The following GYS2 variants were observed in gnomAD, a reference collection of about 807,000 sequenced individuals.
The protein encoded by GYS2 is glycogen [starch] synthase, liver.
GYS2 carries 80 observed loss-of-function variants against 85.6 expected under a neutral mutation model. The observed-to-expected ratio is 0.93, with a 90% CI of 0.78 to 1.13. The LOEUF is 1.13. Ranked by LOEUF, GYS2 falls within the 50% of genes most tolerant of loss-of-function variation. The probability of loss-of-function intolerance (pLI) is 0.00; values close to 1 mark genes in which losing one functional copy is unlikely to be tolerated. For synonymous variants in GYS2, 328 were observed against 300.7 expected (o/e 1.09, Z -0.94); for missense variants, 881 against 854.9 (o/e 1.03, Z -0.38).
In GYS2 at chr12:21,604,481, T is replaced by C; in HGVS notation, c.112A>G (p.Thr38Ala). 2 of 1,606,590 alleles carry C rather than the reference T, an allele frequency of 1.2e-6. No homozygotes were observed. The highest frequency in any genetic ancestry group is 1.3e-5 in the African/African-American group (1 of 74,852). The change falls in exon 1 of 16, where the codon ACC (threonine) becomes GCC (alanine). Residue 38 changes from threonine (T) to alanine (A), a missense_variant. Thr to Ala is a moderately conservative substitution (Grantham distance 58). Coordinates refer to ENST00000261195, the MANE Select transcript of GYS2 (RefSeq NM_021957.4). ...CAGGAGCAGTACAAACCTTTATTGG[T>C]CACTTCCCAAGCAACTTCAAAGAGC... The part of the protein sequence containing the change: ...LLLFEVAWEV[T>A]NKVGGIYTVI...
chr12:21,543,745 G>A (rs888305488), intron 12 of GYS2, among the ~76,000 whole-genome samples: 8 of 151,980 alleles, frequency 5.3e-5, no homozygotes, highest in South Asian at 2.1e-4. Flanking sequence ...CCCTCACCTC[G>A]CCCCACAACC....
At chr12:21,549,502 T>C (rs1027792958) in intron 11 of GYS2, among the ~76,000 whole-genome samples, 3 of 152,214 alleles carry the variant, frequency 2.0e-5, no homozygotes, top group Admixed American at 6.5e-5. Flanking sequence ...TTTCTGATGA[T>C]TCAAATAGTG....
chr12:21,563,445 G>T, intron 5 of GYS2, 100 bp from the exon 6 acceptor site: 1 of 709,892 alleles, frequency 1.4e-6, no homozygotes. Context: ...GATGTTTATT[G>T]ACATTCTACT....
intron 10 of GYS2, among the ~76,000 whole-genome samples, chr12:21,558,607 A>C (rs1054265603): frequency 6.6e-6 from 1 of 152,172 alleles, no homozygotes; most frequent in African/African-American, 2.4e-5. Flanking sequence ...GGTGTCCTGA[A>C]GTCTTGACTT....
intron 1 of GYS2, among the ~76,000 whole-genome samples, chr12:21,600,339 G>A (rs1944741938): frequency 6.6e-6 from 1 of 151,980 alleles, no homozygotes; most frequent in South Asian, 2.1e-4. Flanking sequence ...TGTTCCCCAG[G>A]CTGGTATCCA....
intron 11 of GYS2, among the ~76,000 whole-genome samples, chr12:21,553,363 T>G (rs1420883872): frequency 6.6e-6 from 1 of 152,266 alleles, no homozygotes; most frequent in African/African-American, 2.4e-5. Flanking sequence ...GGACTTAGTC[T>G]GCTGCCTTCT....
intron 11 of GYS2, among the ~76,000 whole-genome samples, chr12:21,549,091 A>G (rs1944076229): frequency 6.6e-6 from 1 of 152,182 alleles, no homozygotes; most frequent in African/African-American, 2.4e-5. Flanking sequence ...TTACAATGTG[A>G]GTGGCACAAA....
chr12:21,591,375 ATAGAT>A (rs957265252), intron 1 of GYS2, among the ~76,000 whole-genome samples: 3 of 152,112 alleles, frequency 2.0e-5, no homozygotes, highest in African/African-American at 7.2e-5. Flanking sequence ...AACTTCAACA[ATAGAT>A]CAGATCAAGC....
rs1944494905 is a variant in GYS2 at position 21,580,361 on chromosome 12, A to C, written c.284T>G (p.Met95Arg). ...CTTTACCTGGCAGCCATGCTTATTC[A>C]TTGCGTCCACTGCTCTTCTGACAGC... ...NDAVRRAVDA[M>R]NKHGCQVHFG... is the part of the protein sequence containing the mutation. The change falls in exon 2 of 16, where the codon ATG becomes AGG. Residue 95 changes from methionine to arginine, a missense_variant. By Grantham distance (91) the Met-to-Arg change is moderately conservative. Transcript: ENST00000261195. The C allele has an allele frequency of 6.2e-7, 1 of 1,613,758 alleles. No individual in the cohort carries two copies. The highest frequency in any genetic ancestry group is 2.2e-5 in the East Asian group (1 of 44,866).
chr12:21,583,656 G>T (rs921990786), intron 1 of GYS2, among the ~76,000 whole-genome samples: 4 of 152,212 alleles, frequency 2.6e-5, no homozygotes, highest in South Asian at 4.1e-4. Context: ...GCCATCTTCT[G>T]CAGATAACTA....
At chr12:21,570,116 A>T (rs1944368905) in intron 4 of GYS2, among the ~76,000 whole-genome samples, 1 of 152,222 alleles carries the variant, frequency 6.6e-6, no homozygotes, top group African/African-American at 2.4e-5. Flanking sequence ...GAGGAATCTC[A>T]TGATTAGAAC....
At chr12:21,542,052 C>T (rs949273505) in intron 13 of GYS2, among the ~76,000 whole-genome samples, 1 of 149,530 alleles carries the variant, frequency 6.7e-6, no homozygotes, top group Non-Finnish European at 1.5e-5. Context: ...TATAAATCTA[C>T]TTTTTTTTTT....
At chr12:21,601,392 A>G (rs1253395173) in intron 1 of GYS2, among the ~76,000 whole-genome samples, 2 of 151,632 alleles carry the variant, frequency 1.3e-5, no homozygotes, top group Non-Finnish European at 2.9e-5. Context: ...AAGGCTATTA[A>G]CTCCCCCTGA....
chr12:21,579,508 C>A (rs891742029), intron 2 of GYS2, among the ~76,000 whole-genome samples: 11 of 151,916 alleles, frequency 7.2e-5, no homozygotes, highest in African/African-American at 2.2e-4. Context: ...TGCCTGCCTG[C>A]AAAACCACAC....
intron 1 of GYS2, among the ~76,000 whole-genome samples, chr12:21,601,475 CG>C (rs1474215391): frequency 1.3e-5 from 2 of 152,168 alleles, no homozygotes; most frequent in African/African-American, 4.8e-5. Context: ...CTCTGAGCCC[CG>C]CTCAGATCTT....
intron 3 of GYS2, among the ~76,000 whole-genome samples, chr12:21,574,942 A>G (rs923776000): frequency 1.3e-5 from 2 of 152,108 alleles, no homozygotes; most frequent in Non-Finnish European, 2.9e-5. Context: ...GACTTTTACA[A>G]TATCATTTTT....
At chr12:21,557,628 G>A (rs1333418950) in intron 11 of GYS2, among the ~76,000 whole-genome samples, 2 of 152,060 alleles carry the variant, frequency 1.3e-5, no homozygotes, top group Non-Finnish European at 2.9e-5. Context: ...GGCCGGGCGC[G>A]GTGGCTCACG....
At position 21,539,246 on chromosome 12, in the gene GYS2, T is replaced by G; in HGVS notation, c.1890+12A>C. Reference sequence around the variant, plus strand: ...AATATAGCTTTCAAAAAAAAATACATTGAATATTTACCGTTGGTGGTGATG... The same window carrying G: ...AATATAGCTTTCAAAAAAAAATACAGTGAATATTTACCGTTGGTGGTGATG... On this transcript the variant is annotated intron_variant, in intron 15 of 15. Coordinates refer to ENST00000261195, the MANE Select transcript of GYS2 (RefSeq NM_021957.4). 1 of 1,447,564 alleles carries G rather than the reference T, an allele frequency of 6.9e-7. No individual in the cohort carries two copies. The highest frequency in any genetic ancestry group is 2.3e-5 in the East Asian group (1 of 44,066). 89.7% of individuals were successfully genotyped at this position (1,447,564 alleles called of 1,614,324 possible).
downstream of GYS2, among the ~76,000 whole-genome samples, chr12:21,535,287 C>T (rs766208473): frequency 2.6e-5 from 4 of 152,172 alleles, no homozygotes; most frequent in Non-Finnish European, 4.4e-5. Context: ...TGAATAGACA[C>T]GTTAAGCTAG....
Sources: gnomAD v4.1 joint callset for allele counts (sites outside exome capture counted in the v4.1 genomes callset) on GRCh38, gnomAD v4.1.1 for gene constraint, MANE v1.5 for transcripts, NCBI Gene and HGNC (gene_info 2026-07-23, HGNC 2026-07-21) for gene names.